BICD1: variants seen among roughly 807,000 people sequenced by gnomAD.
BICD1 encodes BICD cargo adaptor 1.
In BICD1, 35 loss-of-function variants were observed where a neutral mutation model predicts 92.5. The ratio of observed to expected loss-of-function variants is 0.38; its 90% confidence interval spans 0.29 to 0.50. The LOEUF (loss-of-function observed/expected upper bound fraction) is 0.50. BICD1 is among the 20% of genes least tolerant of loss of function. The probability of loss-of-function intolerance (pLI) is 0.93; values close to 1 mark genes in which losing one functional copy is unlikely to be tolerated. For missense variants in BICD1, 950 were observed against 1,189.8 expected (o/e 0.80, Z 2.97); for synonymous variants, 429 against 465.1 (o/e 0.92, Z 1.00).
rs77390582 is a variant in BICD1 at position 32,156,763 on chromosome 12, C to T, written c.213+49219C>T. Among the ~76,000 whole-genome samples the T allele has an allele frequency of 3.4e-3, 513 of 152,288 alleles. 2 individuals are homozygous for T. Among genetic ancestry groups the T allele is most frequent in the African/African-American group, 0.012 (502 of 41,556 alleles). ...GAGGAGATGTGTGTATTGCAGAACA[C>T]TCATGTTTAGATCAGCCAAGAGAAC... On this transcript the variant is annotated intron_variant, in intron 1 of 9. Coordinates refer to ENST00000652176, the MANE Select transcript of BICD1 (RefSeq NM_001714.4).
intron 2 of BICD1, among the ~76,000 whole-genome samples, chr12:32,222,010 A>C (rs1387748142): frequency 6.6e-6 from 1 of 152,236 alleles, no homozygotes; most frequent in East Asian, 1.9e-4. Context: ...TTTTATACTT[A>C]TTTATACTAA....
At chr12:32,118,800 A>G (rs1253062170) in intron 1 of BICD1, among the ~76,000 whole-genome samples, 1 of 152,144 alleles carries the variant, frequency 6.6e-6, no homozygotes, top group Non-Finnish European at 1.5e-5. Context: ...TAGATTGCCC[A>G]TTACCTCTTC....
chr12:32,293,388 G>T (rs892937998), intron 2 of BICD1, among the ~76,000 whole-genome samples: 1 of 152,014 alleles, frequency 6.6e-6, no homozygotes, highest in Non-Finnish European at 1.5e-5. Context: ...CCTGATCTCG[G>T]CTCACTGCAA....
At chr12:32,116,223 C>G (rs1037766618) in intron 1 of BICD1, among the ~76,000 whole-genome samples, 2 of 151,958 alleles carry the variant, frequency 1.3e-5, no homozygotes, top group Non-Finnish European at 2.9e-5. Context: ...GCTGCATGTT[C>G]TGCTTATTTA....
At chr12:32,142,960 G>A (rs530490372) in intron 1 of BICD1, among the ~76,000 whole-genome samples, 2 of 152,310 alleles carry the variant, frequency 1.3e-5, no homozygotes, top group East Asian at 1.9e-4. Context: ...GGTGCTACAA[G>A]CCGTTAAATA....
In BICD1 at chr12:32,337,343, T is replaced by G. The variant is rs1353686355; in HGVS notation, c.2253-156T>G. Among the ~76,000 whole-genome samples the G allele has an allele frequency of 6.6e-6, 1 of 152,232 alleles. No homozygotes were observed. Among genetic ancestry groups the G allele is most frequent in the African/African-American group, 2.4e-5 (1 of 41,458 alleles). On this transcript the variant is annotated intron_variant, in intron 6 of 9. Coordinates refer to ENST00000652176, the MANE Select transcript of BICD1 (RefSeq NM_001714.4). This position sits in a 1 kb window ranked among gnomAD's most constrained non-coding sequence, Gnocchi z 4.7. ...TGTATGGATGAACATATATTCCAGT[T>G]TTCTGCTATTGTGGGTTATCTACAT...
At chr12:32,292,267 G>C (rs1947745501) in intron 2 of BICD1, among the ~76,000 whole-genome samples, 1 of 151,696 alleles carries the variant, frequency 6.6e-6, no homozygotes, top group African/African-American at 2.4e-5. Context: ...TTCGGTCTTT[G>C]CCTCCATGGT....
chr12:32,181,956 T>C (rs529929908), intron 1 of BICD1, among the ~76,000 whole-genome samples: 13 of 152,004 alleles, frequency 8.6e-5, no homozygotes, highest in Non-Finnish European at 1.3e-4. Context: ...CTGGCAGAAT[T>C]GTGATAGTAA....
chr12:32,323,027 G>A (rs1384661641), intron 4 of BICD1, among the ~76,000 whole-genome samples: 1 of 152,192 alleles, frequency 6.6e-6, no homozygotes, highest in Non-Finnish European at 1.5e-5. Context: ...GACATAATCA[G>A]TTTTCACTGA....
intron 1 of BICD1, among the ~76,000 whole-genome samples, chr12:32,117,697 T>TATAC (rs1941967581): frequency 9.7e-6 from 1 of 103,292 alleles, no homozygotes; most frequent in South Asian, 3.3e-4. Flanking sequence ...TATATATATA[T>TATAC]ACACAAATAT....
At chr12:32,180,938 A>T (rs1464363327) in intron 1 of BICD1, among the ~76,000 whole-genome samples, 2 of 150,452 alleles carry the variant, frequency 1.3e-5, no homozygotes, top group Non-Finnish European at 3.0e-5. Flanking sequence ...TGGGCACCAA[A>T]TTTTTTTTTT....
chr12:32,172,442 G>T (rs1264426543), intron 1 of BICD1, among the ~76,000 whole-genome samples: 2 of 152,152 alleles, frequency 1.3e-5, no homozygotes, highest in African/African-American at 4.8e-5. Context: ...TGAAGAAAAA[G>T]CCCTCCAGAG....
intron 1 of BICD1, among the ~76,000 whole-genome samples, chr12:32,205,994 A>G (rs1265692759): frequency 1.3e-5 from 2 of 152,152 alleles, no homozygotes; most frequent in Admixed American, 6.5e-5. Context: ...TTTACTTAGC[A>G]TAATGTTTTG....
At chr12:32,166,936 A>ATAAG (rs1321608314) in intron 1 of BICD1, among the ~76,000 whole-genome samples, 3 of 152,250 alleles carry the variant, frequency 2.0e-5, no homozygotes, top group Non-Finnish European at 4.4e-5. Flanking sequence ...TAGATGCCCA[A>ATAAG]TAAGTGGTAG....
intron 2 of BICD1, among the ~76,000 whole-genome samples, chr12:32,243,073 T>G (rs1946277412): frequency 6.6e-6 from 1 of 151,948 alleles, no homozygotes; most frequent in African/African-American, 2.4e-5. Context: ...CATTGCTGTT[T>G]GCATATATTT....
chr12:32,158,706 C>G (rs1399351916), intron 1 of BICD1, among the ~76,000 whole-genome samples: 4 of 152,166 alleles, frequency 2.6e-5, no homozygotes, highest in African/African-American at 9.7e-5. Context: ...CACACTTATG[C>G]AGAGCTTTGT....
At position 32,337,869 on chromosome 12, in the gene BICD1, C is replaced by A. The variant is rs749006778; in HGVS notation, c.2570+53C>A. On this transcript the variant is annotated intron_variant, in intron 7 of 9. Transcript: ENST00000652176. The surrounding 1 kb of genome is among the most constrained non-coding windows in gnomAD (Gnocchi z 4.7). ...GGTGCAGTGGCCAGATTTTAGTTAACTGCAAAAATAAATGTGCTCTTGTTG... is the reference window on the plus strand; with the variant it reads ...GGTGCAGTGGCCAGATTTTAGTTAAATGCAAAAATAAATGTGCTCTTGTTG... 3 of 1,567,008 alleles carry A rather than the reference C, an allele frequency of 1.9e-6. No individual in the cohort carries two copies. In the African/African-American group the frequency reaches 4.1e-5, roughly 21 times the overall value.
At chr12:32,113,762 T>A (rs1362200791) in intron 1 of BICD1, among the ~76,000 whole-genome samples, 1 of 148,686 alleles carries the variant, frequency 6.7e-6, no homozygotes. Context: ...CAGGCTGGAG[T>A]GCAGTGGTCT....
At chr12:32,373,413 AGAT>A in intron 9 of BICD1, among the ~76,000 whole-genome samples, 1 of 152,230 alleles carries the variant, frequency 6.6e-6, no homozygotes, top group Admixed American at 6.5e-5. Flanking sequence ...TTAATACTAT[AGAT>A]AATAACTTTA....
Sources: allele counts gnomAD v4.1 joint callset (sites outside exome capture counted in the v4.1 genomes callset), GRCh38; gene constraint gnomAD v4.1.1; non-coding constraint Gnocchi (gnomAD v3.1); transcripts MANE v1.5; gene names NCBI Gene and HGNC (gene_info 2026-07-23, HGNC 2026-07-21).